The following PRKD2 variants were observed in gnomAD, a reference collection of about 807,000 sequenced individuals.
The protein encoded by PRKD2 is protein kinase D2.
In PRKD2, 22 loss-of-function variants were observed where a neutral mutation model predicts 86.0. That is an observed-to-expected ratio of 0.26 (90% CI 0.18 to 0.37). PRKD2 has a LOEUF of 0.37. Among genes scored for constraint, PRKD2 ranks in the 10% least tolerant of loss-of-function variants. The pLI, the probability that PRKD2 is intolerant of heterozygous loss-of-function variation, is 1.00. For missense variants in PRKD2, 818 were observed against 1,199.2 expected (o/e 0.68, Z 4.70); for synonymous variants, 509 against 510.9 (o/e 1.00, Z 0.05).
At chr19:46,690,952 G>A (rs2053475004) in intron 12 of PRKD2, among the ~76,000 whole-genome samples, 1 of 152,134 alleles carries the variant, frequency 6.6e-6, no homozygotes, top group South Asian at 2.1e-4. Flanking sequence ...ATGGGAAACT[G>A]GATTTATAAC....
chr19:46,675,146 C>A, intron 16 of PRKD2, 28 bp from the exon 17 acceptor site: 1 of 1,584,442 alleles, frequency 6.3e-7, no homozygotes, highest in Non-Finnish European at 8.6e-7. Flanking sequence ...ACAGGTCAAG[C>A]CCTACAGGTC....
chr19:46,690,292 C>T (rs929401654), intron 13 of PRKD2, among the ~76,000 whole-genome samples: 2 of 152,218 alleles, frequency 1.3e-5, no homozygotes, highest in African/African-American at 4.8e-5. Context: ...CTAACGTACA[C>T]ACCTGATCCT....
At chr19:46,703,626 G>A (rs1206503796) in intron 5 of PRKD2, among the ~76,000 whole-genome samples, 1 of 152,002 alleles carries the variant, frequency 6.6e-6, no homozygotes, top group Non-Finnish European at 1.5e-5. Context: ...AAAAAAATTA[G>A]CCAGGCATGG....
intron 3 of PRKD2, among the ~76,000 whole-genome samples, chr19:46,708,209 C>T (rs116376624): frequency 8.5e-5 from 13 of 152,118 alleles, no homozygotes; most frequent in African/African-American, 3.1e-4. Context: ...GAAACCCTAA[C>T]CTCCAATGCA....
rs186227248 is a variant in PRKD2, at chr19:46,676,731, T to G, written c.2339-1613A>C. On this transcript the variant is annotated intron_variant, in intron 16 of 17. Coordinates refer to ENST00000291281, the MANE Select transcript of PRKD2 (RefSeq NM_016457.5). ...CTTAAATTCACTTGTGCACACTCGATGCACTTTTACTGAGGGACTTCTGAG... is the reference window on the plus strand; with the variant it reads ...CTTAAATTCACTTGTGCACACTCGAGGCACTTTTACTGAGGGACTTCTGAG... 1.9e-3 allele frequency among the ~76,000 whole-genome samples: 294 copies of G among 152,292 alleles called. 1 individual carries two copies. The East Asian group carries it at 0.021, about 11-fold the overall frequency.
Position 46,693,096 on chromosome 19 carries a change from TTCAGA to T in PRKD2, c.1576+774_1576+778del, listed in dbSNP as rs1369660972. Among the ~76,000 whole-genome samples the T allele has an allele frequency of 2.0e-5, 3 of 152,146 alleles. No homozygotes were observed. Among genetic ancestry groups the T allele is most frequent in the Non-Finnish European group, 4.4e-5 (3 of 68,018 alleles). Reference sequence around the variant, plus strand: ...CCCTGCCTCGGCCTCCAGATCTCAGTTCAGATGTCACCTCCTCCAGGAAGCCCCCC... The same window carrying T: ...CCCTGCCTCGGCCTCCAGATCTCAGTTGTCACCTCCTCCAGGAAGCCCCCC... On this transcript the variant is annotated intron_variant, in intron 10 of 17. Coordinates refer to ENST00000291281, the MANE Select transcript of PRKD2 (RefSeq NM_016457.5). The surrounding 1 kb of genome is among the most constrained non-coding windows in gnomAD (Gnocchi z 4.5).
chr19:46,704,708 GAGA>G (rs1345972077), intron 3 of PRKD2, 59 bp from the exon 4 acceptor site: 1 of 1,532,572 alleles, frequency 6.5e-7, no homozygotes, highest in Admixed American at 2.1e-5. Context: ...GTCTCTTCTT[GAGA>G]AGTTGTGCCC....
chr19:46,695,015 A>C (rs1183583762), intron 9 of PRKD2, among the ~76,000 whole-genome samples: 1 of 151,498 alleles, frequency 6.6e-6, no homozygotes, highest in Non-Finnish European at 1.5e-5. Flanking sequence ...CAGCCAGAGC[A>C]ACACAATGAG....
chr19:46,690,833 G>A (rs1042758552), intron 12 of PRKD2, 127 bp from the exon 13 acceptor site: 12 of 780,170 alleles, frequency 1.5e-5, no homozygotes, highest in East Asian at 2.7e-5. Context: ...AGAGTTGGAA[G>A]GCCCCAGGAG....
In PRKD2 at chr19:46,678,527, G is replaced by C. The variant is rs2053246858; in HGVS notation, c.2207C>G (p.Ser736Ter). The C allele has an allele frequency of 6.2e-7, 1 of 1,614,218 alleles. No homozygotes were observed. The highest frequency in any genetic ancestry group is 8.5e-7 in the Non-Finnish European group (1 of 1,180,032). Residue 736 changes from serine to a stop codon, truncating the protein, a stop_gained, in exon 16 of 18, where the codon TCA becomes TGA. Transcript: ENST00000291281. LOFTEE classifies it high-confidence loss of function. The surrounding 1 kb of genome is among the most constrained non-coding windows in gnomAD (Gnocchi z 5.7). ...QGYNRSLDMW[S>*]VGVIMYVSLS... ...GCTGACGTACATGATCACGCCCACT[G>C]ACCACATGTCCAGCGAGCGGTTGTA... is the stretch of plus-strand genomic sequence containing the variant.
rs1277124436 is a variant in PRKD2 at position 46,691,760 on chromosome 19, T to C, written c.1677A>G (p.Ser559=). 6.2e-7 allele frequency: 1 copy of C among 1,613,054 alleles called. No individual in the cohort carries two copies. The highest frequency in any genetic ancestry group is 1.1e-5 in the South Asian group (1 of 91,026). ...YQIFPDEVLG[S]GQFGVVYGGK... is the part of the protein sequence containing the mutation. ...CTCCATAGACCACTCCAAACTGCCCTGAGCCCAGCACTTCGTCAGGGAAGA... is the reference window on the plus strand; with the variant it reads ...CTCCATAGACCACTCCAAACTGCCCCGAGCCCAGCACTTCGTCAGGGAAGA... Residue 559 remains serine (S), a synonymous_variant, in exon 12 of 18, where the codon TCA becomes TCG. Coordinates refer to ENST00000291281, the MANE Select transcript of PRKD2 (RefSeq NM_016457.5).
Position 46,694,135 on chromosome 19 carries a change from T to C in PRKD2, c.1318-2A>G. 6.2e-7 allele frequency: 1 copy of C among 1,613,230 alleles called. No individual in the cohort carries two copies. Among genetic ancestry groups the C allele is most frequent in the Non-Finnish European group, 8.5e-7 (1 of 1,179,324 alleles). ...GAGGATTTCTGACAGCGGAATTTCC[T>C]GCAGGACGTGGAACCAGCACAGGTG... On this transcript the variant is annotated splice_acceptor_variant, in intron 9 of 17. Transcript: ENST00000291281. LOFTEE classifies it high-confidence loss of function.
At chr19:46,674,858 C>G in intron 17 of PRKD2, 123 bp from the exon 18 acceptor site, 1 of 1,221,392 alleles carries the variant, frequency 8.2e-7, no homozygotes, top group Middle Eastern at 2.0e-4. Flanking sequence ...GCAACCCACC[C>G]AGCCAGTAGA....
intron 15 of PRKD2, among the ~76,000 whole-genome samples, chr19:46,680,946 A>ATATATATATATATATATAT: frequency 6.4e-4 from 31 of 48,216 alleles, no homozygotes; most frequent in South Asian, 1.1e-3. Flanking sequence ...ATATATATAT[A>ATATATATATATATATATAT]TTTTTTTTTT....
At chr19:46,674,856 C>A in intron 17 of PRKD2, 121 bp from the exon 18 acceptor site, 1 of 1,230,906 alleles carries the variant, frequency 8.1e-7, no homozygotes, top group South Asian at 1.4e-5. Flanking sequence ...CTGCAACCCA[C>A]CCAGCCAGTA....
chr19:46,676,314 G>C (rs1378614615), intron 16 of PRKD2, among the ~76,000 whole-genome samples: 2 of 152,162 alleles, frequency 1.3e-5, no homozygotes, highest in African/African-American at 4.8e-5. Context: ...TGTAGTCCCA[G>C]CTACTCAGGA....
intron 16 of PRKD2, among the ~76,000 whole-genome samples, chr19:46,676,227 G>A (rs1240253373): frequency 1.3e-5 from 2 of 151,958 alleles, no homozygotes; most frequent in South Asian, 2.1e-4. Context: ...TCAGGAGTTC[G>A]AGACAAGCCT....
At chr19:46,681,583 T>TTCCCCCCC in intron 15 of PRKD2, 67 bp downstream of exon 15, 4 of 671,504 alleles carry the variant, frequency 6.0e-6, no homozygotes, top group Non-Finnish European at 7.7e-6. Flanking sequence ...ATAATCCCCT[T>TTCCCCCCC]CCCCACCCCC....
chr19:46,675,264 C>T (rs2053181386), intron 16 of PRKD2, 146 bp from the exon 17 acceptor site: 1 of 653,302 alleles, frequency 1.5e-6, no homozygotes. Context: ...GTGCCAATCA[C>T]TCACCCACCC....
Sources: allele counts gnomAD v4.1 joint callset (sites outside exome capture counted in the v4.1 genomes callset), GRCh38; gene constraint gnomAD v4.1.1; non-coding constraint Gnocchi (gnomAD v3.1); transcripts MANE v1.5; gene names NCBI Gene and HGNC (gene_info 2026-07-23, HGNC 2026-07-21).